WWOX: variants seen among roughly 807,000 people sequenced by gnomAD.
WWOX encodes WW domain containing oxidoreductase, also known as WW domain-containing oxidoreductase.
In WWOX, 69 loss-of-function variants were observed where a neutral mutation model predicts 46.2. The ratio of observed to expected loss-of-function variants is 1.49; its 90% CI spans 1.23 to 1.82. The LOEUF (loss-of-function observed/expected upper bound fraction) is 1.82, where lower values mean the gene tolerates loss of function less well. WWOX is among the 40% of genes most tolerant of loss of function. WWOX has a pLI of 0.00. For synonymous variants in WWOX, 359 were observed against 202.6 expected (o/e 1.77, Z -6.56); for missense variants, 919 against 542.6 (o/e 1.69, Z -6.89).
chr16:78,501,907 G>T (rs1268727920), intron 8 of WWOX, among the ~76,000 whole-genome samples: 5 of 152,146 alleles, frequency 3.3e-5, no homozygotes, highest in Non-Finnish European at 4.4e-5. Flanking sequence ...GCAATGAAAG[G>T]TGAAAACCAC....
At chr16:78,915,454 G>C (rs2045226158) in intron 8 of WWOX, among the ~76,000 whole-genome samples, 1 of 152,158 alleles carries the variant, frequency 6.6e-6, no homozygotes, top group East Asian at 1.9e-4. Context: ...TGACTTGATT[G>C]TTAGTAATGA....
chr16:79,023,256 C>G (rs1174439634), intron 8 of WWOX, among the ~76,000 whole-genome samples: 1 of 152,178 alleles, frequency 6.6e-6, no homozygotes, highest in African/African-American at 2.4e-5. Flanking sequence ...AAAAGAATTA[C>G]TGTTCTCCCT....
rs955490874 is a variant in WWOX, at chr16:78,729,335, C to G, written c.1056+296583C>G. 4.6e-4 allele frequency among the ~76,000 whole-genome samples: 68 copies of G among 147,450 alleles called. 1 individual carries two copies. Among genetic ancestry groups the G allele is most frequent in the Non-Finnish European group, 8.2e-4 (54 of 66,178 alleles). On this transcript the variant is annotated intron_variant, in intron 8 of 8. Transcript: ENST00000566780. ...CCAGCCTGGGCAGCAGAGCAAGACC[C>G]TGCCTCAAAAAAAAAAAGTAAAAAT...
In WWOX at chr16:78,979,060, G is replaced by A. The variant is rs190991425; in HGVS notation, c.1057-232548G>A. Among the ~76,000 whole-genome samples, 423 of 148,690 alleles carry A rather than the reference G, an allele frequency of 2.8e-3. 1 individual carries two copies. The highest frequency in any genetic ancestry group is 9.0e-3 in the African/African-American group (362 of 40,214). ...TCTCCTTTACGGCCAGGTCTCCTTC[G>A]TCCTCCCTGCTCAGAATTTCAGTCT... On this transcript the variant is annotated intron_variant, in intron 8 of 8. Transcript: ENST00000566780.
At chr16:78,353,302 A>G (rs1222516517) in intron 5 of WWOX, among the ~76,000 whole-genome samples, 2 of 152,224 alleles carry the variant, frequency 1.3e-5, no homozygotes, top group African/African-American at 4.8e-5. Context: ...GGGAAAATCA[A>G]GTAAATCGAG....
chr16:78,575,054 T>TATATATAA (rs2044836131), intron 8 of WWOX, among the ~76,000 whole-genome samples: 1 of 15,462 alleles, frequency 6.5e-5, no homozygotes, highest in Non-Finnish European at 1.3e-4. Flanking sequence ...TATATATATA[T>TATATATAA]ATATATATAT....
chr16:79,124,864 C>T (rs1303903592), intron 8 of WWOX, among the ~76,000 whole-genome samples: 1 of 152,254 alleles, frequency 6.6e-6, no homozygotes, highest in East Asian at 1.9e-4. Flanking sequence ...TGAAGGTTTG[C>T]AAAGACATCT....
intron 8 of WWOX, among the ~76,000 whole-genome samples, chr16:79,080,338 A>C (rs966053079): frequency 1.3e-5 from 2 of 151,684 alleles, no homozygotes; most frequent in Non-Finnish European, 3.0e-5. Context: ...CGAATCAGCT[A>C]TTTGTATTCC....
chr16:78,537,415 T>G (rs1439646126), intron 8 of WWOX, among the ~76,000 whole-genome samples: 2 of 152,230 alleles, frequency 1.3e-5, no homozygotes, highest in Admixed American at 1.3e-4. Flanking sequence ...GAACTGATTT[T>G]CTCACTGACT....
At chr16:78,566,419 C>G (rs1208212556) in intron 8 of WWOX, among the ~76,000 whole-genome samples, 3 of 152,164 alleles carry the variant, frequency 2.0e-5, no homozygotes, top group African/African-American at 7.2e-5. Flanking sequence ...GGTCCTCTGG[C>G]TTTCTGAGTT....
intron 8 of WWOX, among the ~76,000 whole-genome samples, chr16:78,737,988 T>C (rs1456891548): frequency 6.6e-6 from 1 of 152,208 alleles, no homozygotes; most frequent in Non-Finnish European, 1.5e-5. Flanking sequence ...GTCCATGTGT[T>C]TTAACATAGC....
intron 5 of WWOX, among the ~76,000 whole-genome samples, chr16:78,323,935 T>C (rs987416959): frequency 1.5e-4 from 23 of 152,180 alleles, no homozygotes; most frequent in African/African-American, 4.1e-4. Context: ...GCCCCTTTAC[T>C]GAGCAGCAGC....
chr16:78,278,303 T>G (rs1175526934), intron 5 of WWOX, among the ~76,000 whole-genome samples: 1 of 152,194 alleles, frequency 6.6e-6, no homozygotes, highest in African/African-American at 2.4e-5. Context: ...CTCTGCCAAG[T>G]ATAGTAATAT....
chr16:78,464,055 A>G (rs949962811), intron 8 of WWOX, among the ~76,000 whole-genome samples: 1 of 152,160 alleles, frequency 6.6e-6, no homozygotes, highest in Non-Finnish European at 1.5e-5. Flanking sequence ...GATGAAGCTG[A>G]TCAGAGCACA....
intron 8 of WWOX, among the ~76,000 whole-genome samples, chr16:78,507,714 G>C (rs1036039149): frequency 5.3e-5 from 8 of 152,054 alleles, no homozygotes; most frequent in Admixed American, 3.3e-4. Flanking sequence ...GGATTTGCTT[G>C]AATTATAATA....
chr16:78,752,881 C>T (rs2049520874), intron 8 of WWOX, among the ~76,000 whole-genome samples: 1 of 152,220 alleles, frequency 6.6e-6, no homozygotes. Context: ...TAAATCTGTC[C>T]TGGTCCCATC....
rs187998663 is a variant in WWOX, at chr16:78,757,960, C to T, written c.1056+325208C>T. On this transcript the variant is annotated intron_variant, in intron 8 of 8. Coordinates refer to ENST00000566780, the MANE Select transcript of WWOX (RefSeq NM_016373.4). ...TTCCAAATATGAGTTTGGGGGGACA[C>T]ATTGATTCCACAACACTGACCTTCT... is the stretch of plus-strand genomic sequence containing the variant. Among the ~76,000 whole-genome samples the T allele has an allele frequency of 1.7e-3, 253 of 152,182 alleles. 1 individual carries two copies. Among genetic ancestry groups the T allele is most frequent in the African/African-American group, 5.6e-3 (234 of 41,538 alleles).
intron 8 of WWOX, among the ~76,000 whole-genome samples, chr16:79,184,323 G>A (rs1348105826): frequency 6.6e-6 from 1 of 152,164 alleles, no homozygotes; most frequent in African/African-American, 2.4e-5. Context: ...TTCAACAAAT[G>A]CTTTTGAACA....
chr16:78,186,580 A>G (rs547519622), intron 5 of WWOX, among the ~76,000 whole-genome samples: 4 of 152,304 alleles, frequency 2.6e-5, no homozygotes, highest in African/African-American at 9.6e-5. Context: ...CCTGGCCAAT[A>G]TGGCGAAACC....
Sources: allele counts gnomAD v4.1 joint callset (sites outside exome capture counted in the v4.1 genomes callset), GRCh38; gene constraint gnomAD v4.1.1; transcripts MANE v1.5; gene names NCBI Gene and HGNC (gene_info 2026-07-23, HGNC 2026-07-21).